Variants in FOXP2 observed in about 807,000 individuals in gnomAD.
FOXP2 encodes forkhead box protein P2.
A neutral mutation model predicts 115.8 loss-of-function variants in FOXP2; 12 were observed. The ratio of observed to expected loss-of-function variants is 0.10; its 90% confidence interval spans 0.07 to 0.17. The LOEUF is 0.17. Ranked by LOEUF, FOXP2 falls within the 10% of genes least tolerant of loss-of-function variation. The probability of loss-of-function intolerance (pLI) is 1.00; values close to 1 mark genes in which losing one functional copy is unlikely to be tolerated. For synonymous variants in FOXP2, 328 were observed against 297.7 expected (o/e 1.10, Z -1.05); for missense variants, 629 against 843.5 (o/e 0.75, Z 3.15).
At chr7:114,536,127 G>C (rs1236782714) in intron 3 of FOXP2, among the ~76,000 whole-genome samples, 2 of 151,462 alleles carry the variant, frequency 1.3e-5, no homozygotes, top group East Asian at 3.9e-4. Context: ...TCCTCACTAT[G>C]GCTTCAGAGT....
intron 1 of FOXP2, among the ~76,000 whole-genome samples, chr7:114,210,371 T>C (rs1203774163): frequency 6.6e-6 from 1 of 152,182 alleles, no homozygotes; most frequent in Non-Finnish European, 1.5e-5. Flanking sequence ...TGCCTGATTT[T>C]CTTTTAACAG....
chr7:114,452,092 A>G (rs951155678), intron 2 of FOXP2, among the ~76,000 whole-genome samples: 35 of 152,176 alleles, frequency 2.3e-4, no homozygotes, highest in African/African-American at 8.2e-4. Flanking sequence ...CAAAAATCAT[A>G]GGTAAATTTG....
At chr7:114,181,431 G>A (rs1316744621) in intron 1 of FOXP2, among the ~76,000 whole-genome samples, 1 of 151,824 alleles carries the variant, frequency 6.6e-6, no homozygotes, top group African/African-American at 2.4e-5. Flanking sequence ...TGCATACTGT[G>A]TTTTCTTTGT....
intron 3 of FOXP2, among the ~76,000 whole-genome samples, chr7:114,615,670 A>G (rs1803905832): frequency 6.6e-6 from 1 of 152,202 alleles, no homozygotes; most frequent in Non-Finnish European, 1.5e-5. Flanking sequence ...ACTTTCTGCT[A>G]CTGCTATTAA....
In FOXP2 at chr7:114,492,973, C is replaced by A. The variant is rs1189152862; in HGVS notation, c.169-41644C>A. The stretch of plus-strand genomic sequence containing the variant: ...TTCAATTCCTGGATATCTTTGTTAA[C>A]TTTCTGTCTTGATCTGTCTAAGGTT... On this transcript the variant is annotated intron_variant, in intron 2 of 16. Coordinates refer to ENST00000350908, the MANE Select transcript of FOXP2 (RefSeq NM_014491.4). 2.6e-5 allele frequency among the ~76,000 whole-genome samples: 4 copies of A among 152,186 alleles called. No homozygotes were observed. In the East Asian group the frequency reaches 7.7e-4, roughly 29 times the overall value.
upstream of FOXP2, among the ~76,000 whole-genome samples, chr7:114,087,177 G>C (rs561635679): frequency 5.9e-5 from 9 of 152,096 alleles, no homozygotes; most frequent in Non-Finnish European, 1.3e-4. Context: ...CGCTTCTCGC[G>C]TCTAAGTTGG....
intron 8 of FOXP2, among the ~76,000 whole-genome samples, chr7:114,650,242 T>C (rs982419437): frequency 5.9e-5 from 9 of 152,144 alleles, no homozygotes; most frequent in Non-Finnish European, 8.8e-5. Flanking sequence ...AAAATCATTT[T>C]AAAAAGTGAT....
At chr7:114,184,777 A>G (rs1014721646) in intron 1 of FOXP2, among the ~76,000 whole-genome samples, 1 of 152,200 alleles carries the variant, frequency 6.6e-6, no homozygotes, top group African/African-American at 2.4e-5. Flanking sequence ...TATATATGCA[A>G]AACTGCCAAG....
intron 1 of FOXP2, among the ~76,000 whole-genome samples, chr7:114,129,704 C>A (rs115172201): frequency 6.6e-6 from 1 of 152,024 alleles, no homozygotes. Flanking sequence ...TGGTGTTGGC[C>A]GAACTTTATA....
At chr7:114,208,246 A>C (rs1794251122) in intron 1 of FOXP2, among the ~76,000 whole-genome samples, 1 of 152,188 alleles carries the variant, frequency 6.6e-6, no homozygotes, top group South Asian at 2.1e-4. Flanking sequence ...ACCTGGAGTC[A>C]AAGGAGATCA....
At chr7:114,551,962 CA>C (rs1354641843) in intron 3 of FOXP2, among the ~76,000 whole-genome samples, 1 of 152,056 alleles carries the variant, frequency 6.6e-6, no homozygotes, top group Non-Finnish European at 1.5e-5. Context: ...TAGTGATTAA[CA>C]AAACAATATG....
Position 114,235,137 on chromosome 7 carries a change from TG to T in FOXP2, c.-101-52881del, listed in dbSNP as rs572477246. Among the ~76,000 whole-genome samples the T allele has an allele frequency of 2.3e-3, 351 of 151,502 alleles. 9 individuals are homozygous for T. The South Asian group carries it at 0.042, about 18-fold the overall frequency. ...TAGTTTTCAATAGTCATCACTCCAA[TG>T]TTTTTTTTTAATGAGTGAATACTTG... On this transcript the variant is annotated intron_variant, in intron 1 of 17. Coordinates refer to the FOXP2 transcript ENST00000634411.
intron 2 of FOXP2, among the ~76,000 whole-genome samples, chr7:114,520,971 A>G (rs1798595476): frequency 1.3e-5 from 2 of 152,172 alleles, no homozygotes; most frequent in Admixed American, 1.3e-4. Context: ...TTGCAATATT[A>G]TTTAAAATTA....
rs35624480 is a variant in FOXP2, at chr7:114,626,740, A to ATT, written c.259-1793_259-1792dup. ...AAAAGACATTTTTGTAGATTGATAC[A>ATT]TTTTTTTTCTCACTACTTGTTCTAA... On this transcript the variant is annotated intron_variant, in intron 3 of 16. Coordinates refer to ENST00000350908, the MANE Select transcript of FOXP2 (RefSeq NM_014491.4). Among the ~76,000 whole-genome samples, 1,515 of 151,534 alleles carry ATT rather than the reference A, an allele frequency of 1.0e-2. 20 individuals carry two copies. Among genetic ancestry groups the ATT allele is most frequent in the African/African-American group, 0.035 (1,445 of 41,370 alleles).
chr7:114,281,119 T>TG (rs1491149730), intron 1 of FOXP2, among the ~76,000 whole-genome samples: 3 of 145,324 alleles, frequency 2.1e-5, no homozygotes, highest in Non-Finnish European at 4.5e-5. Flanking sequence ...TTTTTTTTTT[T>TG]GAGACAGAGT....
chr7:114,459,456 C>G (rs1004980748), intron 2 of FOXP2, among the ~76,000 whole-genome samples: 2 of 152,188 alleles, frequency 1.3e-5, no homozygotes, highest in Admixed American at 6.5e-5. Context: ...TATTTTCAGA[C>G]TTATGGTCCA....
At chr7:114,433,323 A>T (rs1396475979) in intron 2 of FOXP2, among the ~76,000 whole-genome samples, 2 of 151,996 alleles carry the variant, frequency 1.3e-5, no homozygotes, top group Non-Finnish European at 2.9e-5. Flanking sequence ...TTTTAATTTC[A>T]TATCAAATAA....
chr7:114,588,306 AAAAAAC>A (rs1047943040), intron 3 of FOXP2, among the ~76,000 whole-genome samples: 58 of 152,148 alleles, frequency 3.8e-4, no homozygotes, highest in South Asian at 1.5e-3. Flanking sequence ...ACTCTGTCTC[AAAAAAC>A]AAAAACAAAA....
intron 1 of FOXP2, among the ~76,000 whole-genome samples, chr7:114,123,084 C>CT (rs1237786105): frequency 6.6e-6 from 1 of 151,882 alleles, no homozygotes; most frequent in Non-Finnish European, 1.5e-5. Flanking sequence ...TTCATAGTGG[C>CT]TAATGCCTAT....
Sources: gnomAD v4.1 joint callset for allele counts (sites outside exome capture counted in the v4.1 genomes callset) on GRCh38, gnomAD v4.1.1 for gene constraint, MANE v1.5 for transcripts, NCBI Gene and HGNC (gene_info 2026-07-23, HGNC 2026-07-21) for gene names.